EHMT1: variants seen among roughly 807,000 people sequenced by gnomAD.
EHMT1 encodes euchromatic histone lysine methyltransferase 1.
In EHMT1, 15 loss-of-function variants were observed where a neutral mutation model predicts 147.2. The ratio of observed to expected loss-of-function variants is 0.10; its 90% CI spans 0.07 to 0.16. The LOEUF (loss-of-function observed/expected upper bound fraction) is 0.16, where lower values mean the gene tolerates loss of function less well. Among genes scored for constraint, EHMT1 ranks in the 10% least tolerant of loss-of-function variants. The pLI is 1.00. For missense variants in EHMT1, 1,587 were observed against 1,772.4 expected, an observed-to-expected ratio of 0.90 and a Z score of 1.88; for synonymous variants, 795 against 709.6, an observed-to-expected ratio of 1.12 and a Z score of -1.91.
At chr9:137,711,444 C>CA (rs1944710121) in intron 2 of EHMT1, among the ~76,000 whole-genome samples, 1 of 152,166 alleles carries the variant, frequency 6.6e-6, no homozygotes, top group Non-Finnish European at 1.5e-5. Context: ...CAGAAGAGCA[C>CA]ACAGCATGAC....
chr9:137,646,277 T>C lies in EHMT1; in HGVS notation c.21+27228T>C, dbSNP rs1844874875. The stretch of plus-strand genomic sequence containing the variant: ...GCCTGGCCTATTTTTACTTTTTAAA[T>C]GTAGATGCTAGAAATTTAAAATGAT... On this transcript the variant is annotated intron_variant, in intron 1 of 26. Coordinates refer to ENST00000460843, the MANE Select transcript of EHMT1 (RefSeq NM_024757.5). 5.4e-6 allele frequency: 5 copies of C among 929,542 alleles called. No individual in the cohort carries two copies. In the African/African-American group the frequency reaches 7.1e-5, roughly 13 times the overall value. The allele number at this position is 929,542 out of a possible 1,614,324, so 57.6% of individuals were successfully genotyped here. A position where few individuals can be genotyped will look rare whatever the true frequency, so the allele number is the denominator to read the frequency against.
intron 15 of EHMT1, chr9:137,788,241 C>T: frequency 4.2e-6 from 2 of 478,620 alleles, no homozygotes; most frequent in Non-Finnish European, 7.3e-6. Flanking sequence ...CCTGGAGTCC[C>T]CTAGCAGGGA....
rs529062764 is a variant in EHMT1, at chr9:137,655,791, G to A, written c.21+36742G>A. On this transcript the variant is annotated intron_variant, in intron 1 of 26. Transcript: ENST00000460843. ...CGCGTGCTCCTTATGAGAATCTAGCGTCTGAAGATCTGAGGTGGAACAGTT... is the reference window on the plus strand; with the variant it reads ...CGCGTGCTCCTTATGAGAATCTAGCATCTGAAGATCTGAGGTGGAACAGTT... Among the ~76,000 whole-genome samples, 12 of 152,272 alleles carry A rather than the reference G, an allele frequency of 7.9e-5. No homozygotes were observed. The South Asian group carries it at 2.5e-3, about 32-fold the overall frequency.
chr9:137,695,570 G>T (rs1443428874), intron 1 of EHMT1, among the ~76,000 whole-genome samples: 1 of 152,242 alleles, frequency 6.6e-6, no homozygotes, highest in Non-Finnish European at 1.5e-5. Flanking sequence ...ATGAGTCTCA[G>T]CTGGAAGACT....
intron 23 of EHMT1, chr9:137,816,387 A>G: frequency 2.5e-6 from 1 of 399,930 alleles, no homozygotes; most frequent in Non-Finnish European, 4.8e-6. Flanking sequence ...TCAACAGGTT[A>G]GGGCTGTCGT....
At chr9:137,631,403 T>A (rs989821222) in intron 1 of EHMT1, among the ~76,000 whole-genome samples, 17 of 151,356 alleles carry the variant, frequency 1.1e-4, no homozygotes, top group Non-Finnish European at 1.8e-4. Context: ...GGAAAAAAAA[T>A]AAAAATAAAA....
At position 137,762,767 on chromosome 9, in the gene EHMT1, A is replaced by G; in HGVS notation, c.1594A>G (p.Ile532Val). The change falls in exon 10 of 27, where the codon ATC becomes GTC. Residue 532 changes from isoleucine to valine, a missense_variant. Around this residue, in one of 7 missense-constraint regions of EHMT1, gnomAD observed 124 missense variants for 197.8 expected, o/e 0.63. Coordinates refer to ENST00000460843, the MANE Select transcript of EHMT1 (RefSeq NM_024757.5). The part of the protein sequence containing the change: ...CRMETPKSRE[I>V]TTLANNQCMA... ...GATGGAAACACCGAAGAGTCGAGAG[A>G]TCACCACACTGGCCAACAACCAGTG... The G allele has an allele frequency of 6.2e-7, 1 of 1,614,228 alleles. No individual in the cohort carries two copies. Among genetic ancestry groups the G allele is most frequent in the Non-Finnish European group, 8.5e-7 (1 of 1,180,038 alleles).
intron 25 of EHMT1, among the ~76,000 whole-genome samples, chr9:137,825,163 G>C (rs1955721203): frequency 1.3e-5 from 2 of 152,328 alleles, no homozygotes; most frequent in Middle Eastern, 3.4e-3. Flanking sequence ...CTTCTTGAAG[G>C]CCAGCAGGAG....
At chr9:137,676,626 C>G (rs1941357214) in intron 1 of EHMT1, 1 of 152,470 alleles carries the variant, frequency 6.6e-6, no homozygotes, top group Admixed American at 6.5e-5. Context: ...CCGCCCTGCC[C>G]CCGCAAGCCT....
chr9:137,811,154 G>A (rs192511436), intron 18 of EHMT1, among the ~76,000 whole-genome samples: 1 of 152,230 alleles, frequency 6.6e-6, no homozygotes, highest in Admixed American at 6.5e-5. Context: ...GTTGAGTGTA[G>A]GTTGATATAA....
rs116090059 is a variant in EHMT1 at position 137,665,565 on chromosome 9, G to A, written c.22-45402G>A. ...GGGCTCTTGGCCCCAGAGGTAAAAT[G>A]TCTCTGTGAGTTGAGTTCCTTGTGA... On this transcript the variant is annotated intron_variant, in intron 1 of 26. Transcript: ENST00000460843. 9.9e-3 allele frequency among the ~76,000 whole-genome samples: 1,508 copies of A among 152,268 alleles called. 27 individuals carry two copies. The highest frequency in any genetic ancestry group is 0.035 in the African/African-American group (1,448 of 41,544).
At chr9:137,769,930 G>A in intron 10 of EHMT1, among the ~76,000 whole-genome samples, 1 of 152,080 alleles carries the variant, frequency 6.6e-6, no homozygotes, top group East Asian at 1.9e-4. Context: ...TCAACCTCCT[G>A]GGCTCAAGCA....
At position 137,775,909 on chromosome 9, in the gene EHMT1, G is replaced by A. The variant is rs112258320; in HGVS notation, c.1791+657G>A. On this transcript the variant is annotated intron_variant, in intron 11 of 26. Coordinates refer to ENST00000460843, the MANE Select transcript of EHMT1 (RefSeq NM_024757.5). The surrounding 1 kb of genome is among the most constrained non-coding windows in gnomAD (Gnocchi z 6.1). ...TGTGTGTGTGTGTGTGTCTGTGCGC[G>A]CACACATCTGTGTGAGCCTCTGCCT... Among the ~76,000 whole-genome samples the A allele has an allele frequency of 5.9e-5, 9 of 151,910 alleles. No individual in the cohort carries two copies. The South Asian group carries it at 1.2e-3, about 21-fold the overall frequency.
At chr9:137,809,610 C>T (rs982545130) in intron 18 of EHMT1, among the ~76,000 whole-genome samples, 2 of 152,234 alleles carry the variant, frequency 1.3e-5, no homozygotes, top group Non-Finnish European at 1.5e-5. Flanking sequence ...AGGCTGCAGC[C>T]GGCGCTCCCA....
At position 137,798,714 on chromosome 9, in the gene EHMT1, C is replaced by T. The variant is rs562670056; in HGVS notation, c.2506-99C>T. On this transcript the variant is annotated intron_variant, in intron 16 of 26. Coordinates refer to ENST00000460843, the MANE Select transcript of EHMT1 (RefSeq NM_024757.5). ...CATTTGAGCAGGACAGTACCCCACC[C>T]GCATGGTAGACACCGGGTTCTCCTG... 2.0e-3 allele frequency: 1,901 copies of T among 973,998 alleles called. 11 individuals are homozygous for T. Among genetic ancestry groups the T allele is most frequent in the Middle Eastern group, 0.012 (46 of 3,796 alleles). 60.3% of individuals were successfully genotyped at this position (973,998 alleles called of 1,614,324 possible).
intron 17 of EHMT1, 38 bp downstream of exon 17, chr9:137,798,952 G>A (rs1222668597): frequency 6.6e-7 from 1 of 1,509,548 alleles, no homozygotes. Context: ...ACACTGTGTG[G>A]ACTGGCTACG....
intron 1 of EHMT1, among the ~76,000 whole-genome samples, chr9:137,639,877 T>A (rs900862154): frequency 1.3e-5 from 2 of 152,228 alleles, no homozygotes; most frequent in African/African-American, 4.8e-5. Context: ...GGAGCTGTGA[T>A]ATCAGAATGC....
At chr9:137,664,155 C>T (rs1939378975) in intron 1 of EHMT1, among the ~76,000 whole-genome samples, 1 of 151,982 alleles carries the variant, frequency 6.6e-6, no homozygotes, top group African/African-American at 2.4e-5. Context: ...TCCTGCTGCC[C>T]CAGTCTCCCA....
chr9:137,643,071 T>C (rs1384760600), intron 1 of EHMT1, among the ~76,000 whole-genome samples: 1 of 151,922 alleles, frequency 6.6e-6, no homozygotes, highest in Non-Finnish European at 1.5e-5. Context: ...TTTGTAGAGA[T>C]GGGGTCTCAC....
Sources: allele counts gnomAD v4.1 joint callset (sites outside exome capture counted in the v4.1 genomes callset), GRCh38; gene constraint gnomAD v4.1.1; regional missense constraint gnomAD v4.1.1; non-coding constraint Gnocchi (gnomAD v3.1); transcripts MANE v1.5; gene names NCBI Gene and HGNC (gene_info 2026-07-23, HGNC 2026-07-21).